Variants in TUSC3 observed in about 807,000 individuals in gnomAD.
TUSC3 encodes the protein tumor suppressor candidate 3.
TUSC3 carries 45 observed loss-of-function variants against 44.8 expected under a neutral mutation model. That is an observed-to-expected ratio of 1.00 (90% confidence interval 0.79 to 1.29). The LOEUF (loss-of-function observed/expected upper bound fraction) is 1.29, where lower values mean the gene tolerates loss of function less well. Among genes scored for constraint, TUSC3 ranks in the 50% most tolerant of loss-of-function variants. The pLI is 0.00. For missense variants in TUSC3, 519 were observed against 437.9 expected (o/e 1.19, Z -1.65); for synonymous variants, 212 against 152.9 (o/e 1.39, Z -2.85).
intron 1 of TUSC3, among the ~76,000 whole-genome samples, chr8:15,426,567 G>A (rs1799807022): frequency 2.0e-5 from 3 of 152,132 alleles, no homozygotes; most frequent in African/African-American, 7.2e-5. Flanking sequence ...TGTCACAAAG[G>A]ACAGGATTTC....
At chr8:15,548,719 G>T (rs957233602) in intron 1 of TUSC3, among the ~76,000 whole-genome samples, 5 of 151,768 alleles carry the variant, frequency 3.3e-5, no homozygotes. Flanking sequence ...ACTAAGGGAG[G>T]TATTGTTGAA....
intron 2 of TUSC3, among the ~76,000 whole-genome samples, chr8:15,509,754 A>C (rs530494190): frequency 5.9e-5 from 9 of 152,352 alleles, no homozygotes; most frequent in African/African-American, 2.2e-4. Context: ...TGAAGCTCAT[A>C]TTACATCCCT....
chr8:15,754,368 AAT>A (rs753453955), intron 9 of TUSC3, among the ~76,000 whole-genome samples: 18 of 152,020 alleles, frequency 1.2e-4, no homozygotes, highest in Non-Finnish European at 2.5e-4. Flanking sequence ...AGAGGAGAAA[AAT>A]AGTTTCTCAA....
At chr8:15,457,698 AATTT>A (rs1044601687) in intron 1 of TUSC3, among the ~76,000 whole-genome samples, 48 of 149,474 alleles carry the variant, frequency 3.2e-4, no homozygotes, top group African/African-American at 1.1e-3. Flanking sequence ...AAAATAAAAT[AATTT>A]ATTAGATAAA....
At chr8:15,537,292 C>G (rs1374957840), upstream of TUSC3, among the ~76,000 whole-genome samples, 1 of 152,160 alleles carries the variant, frequency 6.6e-6, no homozygotes, top group African/African-American at 2.4e-5. Context: ...TTAATTTTAT[C>G]CATAGCCTGG....
intron 10 of TUSC3, among the ~76,000 whole-genome samples, chr8:15,760,767 C>T (rs1465124894): frequency 6.6e-6 from 1 of 152,182 alleles, no homozygotes; most frequent in African/African-American, 2.4e-5. Context: ...AATACTTAAC[C>T]TTCTGGCTCT....
chr8:15,726,573 A>C (rs536006887), intron 6 of TUSC3, among the ~76,000 whole-genome samples: 8 of 152,150 alleles, frequency 5.3e-5, no homozygotes. Context: ...TGGGAGGCCA[A>C]ACTGGCCGGA....
At chr8:15,622,213 A>G (rs1057356543) in intron 1 of TUSC3, among the ~76,000 whole-genome samples, 9 of 152,138 alleles carry the variant, frequency 5.9e-5, no homozygotes, top group Admixed American at 4.6e-4. Flanking sequence ...TCTTGTAGGA[A>G]TACAGTGTTG....
At chr8:15,487,918 T>TC (rs1188886800) in intron 2 of TUSC3, among the ~76,000 whole-genome samples, 10 of 145,094 alleles carry the variant, frequency 6.9e-5, no homozygotes, top group African/African-American at 2.3e-4. Context: ...TTTTTTTTTT[T>TC]ACTGAAAAGA....
In TUSC3 at chr8:15,756,482, C is replaced by T. The variant is rs190981839; in HGVS notation, c.1029-1309C>T. On this transcript the variant is annotated intron_variant, in intron 9 of 10. Coordinates refer to ENST00000503731, the MANE Select transcript of TUSC3 (RefSeq NM_006765.4). ...AACTGATTATTCAGTAGTACTTTGT[C>T]GCATTATGTTTTTCATTAAGTATTC... Among the ~76,000 whole-genome samples the T allele has an allele frequency of 9.2e-5, 14 of 152,188 alleles. No individual in the cohort carries two copies. The East Asian group carries it at 2.1e-3, about 23-fold the overall frequency.
At chr8:15,799,575 C>T in the TUSC3 span, among the ~76,000 whole-genome samples, 1 of 152,166 alleles carries the variant, frequency 6.6e-6, no homozygotes, top group African/African-American at 2.4e-5. Context: ...CGTCAGTGGG[C>T]AGTGGTGAAG....
chr8:15,523,652 ATATATATATATATGTGTGTGTG>A (rs1340598327), intron 2 of TUSC3, among the ~76,000 whole-genome samples: 2 of 28,358 alleles, frequency 7.1e-5, no homozygotes, highest in Non-Finnish European at 1.5e-4. Context: ...ATATATATAT[ATATATATATATATGTGTGTGTG>A]TGTGTGTGTG....
At chr8:15,584,421 C>T (rs762306411) in intron 1 of TUSC3, among the ~76,000 whole-genome samples, 1 of 152,128 alleles carries the variant, frequency 6.6e-6, no homozygotes, top group Non-Finnish European at 1.5e-5. Flanking sequence ...ATTGATCATG[C>T]ATTAAATGAG....
At chr8:15,431,183 A>G (rs535809934) in intron 1 of TUSC3, among the ~76,000 whole-genome samples, 3 of 151,740 alleles carry the variant, frequency 2.0e-5, no homozygotes, top group South Asian at 2.1e-4. Flanking sequence ...GTGGTTCCCT[A>G]TGAATTTTGG....
At chr8:15,834,341 T>C in the TUSC3 span, among the ~76,000 whole-genome samples, 7 of 152,164 alleles carry the variant, frequency 4.6e-5, no homozygotes, top group Non-Finnish European at 1.0e-4. Context: ...TACTGTGTCA[T>C]CAATTTCTTT....
At chr8:15,840,710 G>C in the TUSC3 span, among the ~76,000 whole-genome samples, 86 of 152,192 alleles carry the variant, frequency 5.7e-4, no homozygotes, top group African/African-American at 2.0e-3. Flanking sequence ...CTTTTAGCCT[G>C]TTTTTCTAGA....
rs1395034614 is a variant in TUSC3 at position 15,766,255 on chromosome 8, A to G, written c.*2099A>G. On this transcript the variant is annotated 3_prime_UTR_variant, in exon 11 of 11. Transcript: ENST00000503731. ...TTCTAGAGCAAAATATACTGCCTCA[A>G]CATAAGTCGTTACTGACTGGAAAAT... 6.6e-6 allele frequency: 1 copy of G among 152,118 alleles called. No homozygotes were observed. Among genetic ancestry groups the G allele is most frequent in the Non-Finnish European group, 1.5e-5 (1 of 67,990 alleles). 9.4% of individuals were successfully genotyped at this position (152,118 alleles called of 1,614,324 possible). A position where few individuals can be genotyped will look rare whatever the true frequency, so the allele number is the denominator to read the frequency against.
chr8:15,548,319 A>G (rs1442756566), intron 1 of TUSC3, among the ~76,000 whole-genome samples: 1 of 151,884 alleles, frequency 6.6e-6, no homozygotes, highest in Non-Finnish European at 1.5e-5. Context: ...GCCCTAAGCA[A>G]TAATTTCTAT....
intron 7 of TUSC3, chr8:15,733,478 G>T: frequency 3.0e-6 from 1 of 334,366 alleles, no homozygotes; most frequent in Non-Finnish European, 5.8e-6. Flanking sequence ...AAGCTGTGTT[G>T]AGATCATCCT....
Sources: gnomAD v4.1 joint callset for allele counts (sites outside exome capture counted in the v4.1 genomes callset) on GRCh38, gnomAD v4.1.1 for gene constraint, MANE v1.5 for transcripts, NCBI Gene and HGNC (gene_info 2026-07-23, HGNC 2026-07-21) for gene names.